KCNQ3: variants seen among roughly 807,000 people sequenced by gnomAD.
KCNQ3 encodes the protein potassium voltage-gated channel subfamily KQT member 3.
KCNQ3 carries 30 observed loss-of-function variants against 92.5 expected under a neutral mutation model. That is an observed-to-expected ratio of 0.32 (90% CI 0.24 to 0.44). The LOEUF (loss-of-function observed/expected upper bound fraction) is 0.44, where lower values mean the gene tolerates loss of function less well. KCNQ3 is among the 20% of genes least tolerant of loss of function. The pLI, the probability that KCNQ3 is intolerant of heterozygous loss-of-function variation, is 1.00. For synonymous variants in KCNQ3, 450 were observed against 468.8 expected (o/e 0.96, Z 0.52); for missense variants, 913 against 1,140.3 (o/e 0.80, Z 2.87).
chr8:132,203,005 A>G (rs1827508726), intron 1 of KCNQ3, among the ~76,000 whole-genome samples: 1 of 152,120 alleles, frequency 6.6e-6, no homozygotes, highest in Admixed American at 6.5e-5. Flanking sequence ...AGAGTTCTGG[A>G]GGCTGGGAAG....
At chr8:132,160,312 A>G (rs1394136196) in intron 9 of KCNQ3, among the ~76,000 whole-genome samples, 1 of 152,222 alleles carries the variant, frequency 6.6e-6, no homozygotes, top group African/African-American at 2.4e-5. Flanking sequence ...GAGGAAGGCT[A>G]ATGGACTCCC....
At chr8:132,382,749 G>A (rs1337052062) in intron 1 of KCNQ3, among the ~76,000 whole-genome samples, 1 of 152,156 alleles carries the variant, frequency 6.6e-6, no homozygotes, top group African/African-American at 2.4e-5. Context: ...AATTGGGGAA[G>A]GGAATAGGAG....
chr8:132,449,631 C>T (rs1212434867), intron 1 of KCNQ3, among the ~76,000 whole-genome samples: 1 of 152,166 alleles, frequency 6.6e-6, no homozygotes, highest in Non-Finnish European at 1.5e-5. Flanking sequence ...CTGCCTGGGT[C>T]ATGTGCTTAC....
intron 13 of KCNQ3, among the ~76,000 whole-genome samples, chr8:132,132,532 G>C (rs1189170326): frequency 1.3e-5 from 2 of 152,220 alleles, no homozygotes; most frequent in Non-Finnish European, 2.9e-5. Flanking sequence ...GCTTTGCTTT[G>C]TGTTAAACAT....
At chr8:132,228,441 AT>A (rs1554634243) in intron 1 of KCNQ3, among the ~76,000 whole-genome samples, 1 of 152,104 alleles carries the variant, frequency 6.6e-6, no homozygotes, top group Non-Finnish European at 1.5e-5. Context: ...GCAATACCTA[AT>A]TGCGAAAGAA....
intron 1 of KCNQ3, among the ~76,000 whole-genome samples, chr8:132,417,271 C>T (rs1056563240): frequency 6.6e-6 from 1 of 152,148 alleles, no homozygotes; most frequent in Non-Finnish European, 1.5e-5. Context: ...ACTAAGGAGG[C>T]CAGGGGAGAG....
intron 1 of KCNQ3, among the ~76,000 whole-genome samples, chr8:132,348,385 T>C (rs1818759059): frequency 1.3e-5 from 2 of 152,264 alleles, no homozygotes; most frequent in Middle Eastern, 3.4e-3. Context: ...AAATAAATAG[T>C]ATTTACATTA....
chr8:132,319,005 G>A (rs1376185052), intron 1 of KCNQ3, among the ~76,000 whole-genome samples: 1 of 152,218 alleles, frequency 6.6e-6, no homozygotes, highest in Non-Finnish European at 1.5e-5. Flanking sequence ...GGAAGACTGT[G>A]CTAGAGCAGG....
chr8:132,280,263 A>G (rs1206953609), intron 1 of KCNQ3, among the ~76,000 whole-genome samples: 2 of 152,212 alleles, frequency 1.3e-5, no homozygotes, highest in African/African-American at 4.8e-5. Context: ...CTGCTATAAA[A>G]AATATACAAG....
chr8:132,332,896 C>T (rs1251304034), intron 1 of KCNQ3, among the ~76,000 whole-genome samples: 1 of 152,188 alleles, frequency 6.6e-6, no homozygotes, highest in Non-Finnish European at 1.5e-5. Context: ...CATCGCTGTG[C>T]CATCATGATG....
intron 8 of KCNQ3, among the ~76,000 whole-genome samples, chr8:132,164,337 T>A (rs1355930764): frequency 1.4e-5 from 2 of 146,914 alleles, no homozygotes; most frequent in East Asian, 1.9e-4. Flanking sequence ...TTACATGTAG[T>A]CTCGTTTTTT....
chr8:132,179,570 T>A (rs2130153211), intron 4 of KCNQ3, among the ~76,000 whole-genome samples: 1 of 152,350 alleles, frequency 6.6e-6, no homozygotes, highest in South Asian at 2.1e-4. Context: ...GGGCTTTACA[T>A]AATAATTGCA....
intron 4 of KCNQ3, 137 bp from the exon 5 acceptor site, chr8:132,175,745 T>C: frequency 2.6e-6 from 2 of 780,884 alleles, no homozygotes; most frequent in Non-Finnish European, 4.4e-6. Flanking sequence ...TTCTCTGATC[T>C]TCATCTTCCA....
At chr8:132,332,364 A>G (rs1818255547) in intron 1 of KCNQ3, among the ~76,000 whole-genome samples, 1 of 152,228 alleles carries the variant, frequency 6.6e-6, no homozygotes, top group Non-Finnish European at 1.5e-5. Flanking sequence ...CTCCCATCAG[A>G]GGCTGGCCAG....
intron 1 of KCNQ3, among the ~76,000 whole-genome samples, chr8:132,446,240 A>C (rs2721905): frequency 0.56 from 84,531 of 152,070 alleles, 24,240 homozygotes; most frequent in East Asian, 0.75. Context: ...AAGCTACTCT[A>C]AAGACAATGC....
At chr8:132,223,911 C>T (rs34028249) in intron 1 of KCNQ3, among the ~76,000 whole-genome samples, 1 of 151,888 alleles carries the variant, frequency 6.6e-6, no homozygotes, top group African/African-American at 2.4e-5. Context: ...AATAACAAAT[C>T]TAACCACCAG....
intron 1 of KCNQ3, among the ~76,000 whole-genome samples, chr8:132,191,097 A>G (rs917344723): frequency 6.6e-6 from 1 of 152,266 alleles, no homozygotes; most frequent in Non-Finnish European, 1.5e-5. Flanking sequence ...GGCTGGGAGC[A>G]CGACATGAAA....
chr8:132,424,970 G>A (rs1028840313), intron 1 of KCNQ3, among the ~76,000 whole-genome samples: 5 of 152,140 alleles, frequency 3.3e-5, no homozygotes, highest in East Asian at 1.9e-4. Context: ...TCATATCCAC[G>A]GGTTCCAGTG....
intron 1 of KCNQ3, among the ~76,000 whole-genome samples, chr8:132,278,753 C>T (rs1193487263): frequency 6.6e-6 from 1 of 152,172 alleles, no homozygotes; most frequent in Non-Finnish European, 1.5e-5. Flanking sequence ...CAGAAGGTTC[C>T]TATGCACATT....
Sources: allele counts gnomAD v4.1 joint callset (sites outside exome capture counted in the v4.1 genomes callset), GRCh38; gene constraint gnomAD v4.1.1; transcripts MANE v1.5; gene names NCBI Gene and HGNC (gene_info 2026-07-23, HGNC 2026-07-21).